Variants in MTUS2 observed in about 807,000 individuals in gnomAD.
MTUS2 encodes microtubule-associated tumor suppressor candidate 2.
Under a neutral mutation model 114.1 loss-of-function variants are expected in MTUS2, and 40 were observed. The observed-to-expected ratio is 0.35, with a 90% CI of 0.27 to 0.46. The LOEUF (loss-of-function observed/expected upper bound fraction) is 0.46. Among genes scored for constraint, MTUS2 ranks in the 20% least tolerant of loss-of-function variants. The probability of loss-of-function intolerance (pLI) is 1.00; values close to 1 mark genes in which losing one functional copy is unlikely to be tolerated. For missense variants in MTUS2, 1,679 were observed against 1,705.4 expected (o/e 0.98, Z 0.27); for synonymous variants, 688 against 672.0 (o/e 1.02, Z -0.37).
chr13:28,992,389 C>T (rs111744930), intron 2 of MTUS2, among the ~76,000 whole-genome samples: 303 of 152,188 alleles, frequency 2.0e-3, no homozygotes, highest in African/African-American at 6.8e-3. Flanking sequence ...AGAGGACTGC[C>T]GGAGGGAGGA....
intron 2 of MTUS2, among the ~76,000 whole-genome samples, chr13:29,008,103 T>C (rs1351080884): frequency 6.6e-6 from 1 of 152,202 alleles, no homozygotes; most frequent in Non-Finnish European, 1.5e-5. Context: ...AGCCATTTCC[T>C]CTTTCTCATT....
At chr13:29,390,918 G>A (rs1054776225) in intron 8 of MTUS2, among the ~76,000 whole-genome samples, 2 of 151,708 alleles carry the variant, frequency 1.3e-5, no homozygotes, top group Admixed American at 1.3e-4. Flanking sequence ...GAATAGCTGG[G>A]ACTACAGGCG....
intron 4 of MTUS2, among the ~76,000 whole-genome samples, chr13:29,076,303 T>A (rs1385128489): frequency 6.6e-6 from 1 of 152,232 alleles, no homozygotes; most frequent in East Asian, 1.9e-4. Flanking sequence ...ATGGTATTAA[T>A]AGCACCCTCT....
chr13:28,915,421 A>G (rs1337379567), intron 2 of MTUS2, among the ~76,000 whole-genome samples: 2 of 151,994 alleles, frequency 1.3e-5, no homozygotes, highest in South Asian at 2.1e-4. Context: ...CCAACAATGT[A>G]TGAGGGTTCT....
rs542120080 is a variant in MTUS2, at chr13:28,826,209, A to G, written c.-316+5598A>G. ...CTTGTTTTGTGGTTATTTTCCTTGG[A>G]TTTTCCAGATAGATGGTCATATCAT... On this transcript the variant is annotated intron_variant, in intron 1 of 15. Transcript: ENST00000612955. 3.3e-5 allele frequency among the ~76,000 whole-genome samples: 5 copies of G among 152,268 alleles called. No homozygotes were observed. The South Asian group carries it at 1.0e-3, about 32-fold the overall frequency.
chr13:29,256,062 T>C (rs1357013932), intron 5 of MTUS2, among the ~76,000 whole-genome samples: 4 of 152,236 alleles, frequency 2.6e-5, no homozygotes, highest in Admixed American at 2.6e-4. Flanking sequence ...CTCTGGTCAA[T>C]GTTAGTTCCT....
chr13:29,140,155 A>G (rs1892158741), intron 5 of MTUS2, among the ~76,000 whole-genome samples: 1 of 152,244 alleles, frequency 6.6e-6, no homozygotes, highest in Non-Finnish European at 1.5e-5. Context: ...AATGCATAAA[A>G]TCTCTCCTGA....
Position 29,287,858 on chromosome 13 carries a change from C to T in MTUS2, c.2806+5993C>T, listed in dbSNP as rs776989998. ...TGGAGATGTGCAGATGAGTGAGACA[C>T]GATTCCTGTCCCCACAGGGTTCACA... On this transcript the variant is annotated intron_variant, in intron 6 of 15. Coordinates refer to ENST00000612955, the MANE Select transcript of MTUS2 (RefSeq NM_001033602.4). 7.9e-5 allele frequency among the ~76,000 whole-genome samples: 12 copies of T among 152,256 alleles called. 1 individual carries two copies. The highest frequency in any genetic ancestry group is 2.6e-4 in the African/African-American group (11 of 41,566).
chr13:29,282,932 C>T (rs1898333137), intron 6 of MTUS2, among the ~76,000 whole-genome samples: 1 of 152,132 alleles, frequency 6.6e-6, no homozygotes, highest in Admixed American at 6.5e-5. Flanking sequence ...TTCAATCATT[C>T]CTTCACTAGT....
At chr13:29,269,866 A>C (rs1451962357) in intron 5 of MTUS2, among the ~76,000 whole-genome samples, 1 of 152,242 alleles carries the variant, frequency 6.6e-6, no homozygotes, top group Non-Finnish European at 1.5e-5. Flanking sequence ...AGAATACCAT[A>C]GGGCCTTTGA....
intron 2 of MTUS2, among the ~76,000 whole-genome samples, chr13:28,862,286 G>C (rs987911616): frequency 6.6e-6 from 1 of 152,172 alleles, no homozygotes; most frequent in Non-Finnish European, 1.5e-5. Context: ...CAGCAGGAAC[G>C]CAATCAAACA....
chr13:29,372,133 A>G lies in MTUS2; in HGVS notation c.3117+12660A>G, dbSNP rs1871245106. ...TATAGAAATTTTATTCATCAATTGT[A>G]CCTCAATAAAGCTGGCTGGGGAAAG... On this transcript the variant is annotated intron_variant, in intron 8 of 15. Coordinates refer to ENST00000612955, the MANE Select transcript of MTUS2 (RefSeq NM_001033602.4). Among the ~76,000 whole-genome samples the G allele has an allele frequency of 2.0e-5, 3 of 151,278 alleles. No homozygotes were observed. The South Asian group carries it at 6.3e-4, about 32-fold the overall frequency.
At chr13:29,146,499 C>A (rs189626701) in intron 5 of MTUS2, among the ~76,000 whole-genome samples, 52 of 152,308 alleles carry the variant, frequency 3.4e-4, no homozygotes, top group Admixed American at 1.4e-3. Flanking sequence ...ATTCATACTA[C>A]AGATTACTAG....
At chr13:28,963,653 C>T (rs1883440979) in intron 2 of MTUS2, among the ~76,000 whole-genome samples, 1 of 152,194 alleles carries the variant, frequency 6.6e-6, no homozygotes, top group Admixed American at 6.5e-5. Flanking sequence ...ATCCATTTCA[C>T]ACAGTCCCCT....
intron 4 of MTUS2, among the ~76,000 whole-genome samples, chr13:29,051,206 G>A (rs1486648852): frequency 1.3e-5 from 2 of 152,114 alleles, no homozygotes; most frequent in African/African-American, 4.8e-5. Flanking sequence ...GAAATTATTG[G>A]GATACATTTT....
At chr13:29,391,075 A>G (rs570183713) in intron 8 of MTUS2, among the ~76,000 whole-genome samples, 33 of 150,862 alleles carry the variant, frequency 2.2e-4, no homozygotes, top group Non-Finnish European at 4.0e-4. Flanking sequence ...CCGTGTGCCC[A>G]TCCCAGATTA....
intron 6 of MTUS2, among the ~76,000 whole-genome samples, chr13:29,309,201 A>T (rs1032186765): frequency 2.0e-5 from 3 of 152,226 alleles, no homozygotes; most frequent in African/African-American, 4.8e-5. Context: ...GATAGACTGG[A>T]TAAAGAAAAT....
chr13:29,223,249 G>T (rs767275039), intron 5 of MTUS2, among the ~76,000 whole-genome samples: 2 of 152,128 alleles, frequency 1.3e-5, no homozygotes, highest in East Asian at 3.9e-4. Flanking sequence ...AAATCAGCAT[G>T]GAATTTCTCC....
intron 4 of MTUS2, among the ~76,000 whole-genome samples, chr13:29,095,481 T>C (rs1026873944): frequency 1.3e-5 from 2 of 152,152 alleles, no homozygotes; most frequent in African/African-American, 4.8e-5. Flanking sequence ...GGTGTGGATC[T>C]CTTTACATTT....
Sources: allele counts gnomAD v4.1 joint callset (sites outside exome capture counted in the v4.1 genomes callset), GRCh38; gene constraint gnomAD v4.1.1; transcripts MANE v1.5; gene names NCBI Gene and HGNC (gene_info 2026-07-23, HGNC 2026-07-21).